Variants in RAB11FIP3 observed in about 807,000 individuals in gnomAD.
The protein encoded by RAB11FIP3 is RAB11 family interacting protein 3.
Under a neutral mutation model 77.8 loss-of-function variants are expected in RAB11FIP3, and 17 were observed. The observed-to-expected ratio is 0.22, with a 90% CI of 0.15 to 0.33. The LOEUF is 0.33. Among genes scored for constraint, RAB11FIP3 ranks in the 10% least tolerant of loss-of-function variants. The pLI, the probability that RAB11FIP3 is intolerant of heterozygous loss-of-function variation, is 1.00. For missense variants in RAB11FIP3, 1,005 were observed against 1,011.2 expected (o/e 0.99, Z 0.08); for synonymous variants, 437 against 448.2 (o/e 0.98, Z 0.31).
intron 1 of RAB11FIP3, among the ~76,000 whole-genome samples, chr16:441,610 T>C (rs2055228139): frequency 6.6e-6 from 1 of 152,210 alleles, no homozygotes; most frequent in East Asian, 1.9e-4. Flanking sequence ...CGGACCCTAA[T>C]GTGCACAGGG....
chr16:498,008 G>A (rs1055195209), intron 6 of RAB11FIP3, among the ~76,000 whole-genome samples: 25 of 150,402 alleles, frequency 1.7e-4, no homozygotes, highest in Non-Finnish European at 2.7e-4. Context: ...GTCTAGCTGC[G>A]TTGCCCAGGC....
At chr16:518,836 G>T in intron 9 of RAB11FIP3, 107 bp from the exon 10 acceptor site, 1 of 1,127,490 alleles carries the variant, frequency 8.9e-7, no homozygotes, top group Non-Finnish European at 1.3e-6. Context: ...GGGGGCGTCT[G>T]TTGGTCACAG....
intron 3 of RAB11FIP3, among the ~76,000 whole-genome samples, chr16:473,925 C>T (rs1308800639): frequency 6.6e-6 from 1 of 152,140 alleles, no homozygotes; most frequent in Non-Finnish European, 1.5e-5. Context: ...CAGAACGCCA[C>T]GGAGCTAGAA....
chr16:497,689 G>A (rs752668574), intron 6 of RAB11FIP3, among the ~76,000 whole-genome samples: 20 of 152,102 alleles, frequency 1.3e-4, no homozygotes, highest in South Asian at 4.1e-4. Context: ...CCCTGGCCCC[G>A]TCTTCCTTCT....
intron 1 of RAB11FIP3, among the ~76,000 whole-genome samples, chr16:448,029 G>T (rs956171720): frequency 6.6e-6 from 1 of 151,986 alleles, no homozygotes; most frequent in Non-Finnish European, 1.5e-5. Flanking sequence ...ATATGAAAAA[G>T]CGTATTGTCC....
At chr16:433,823 T>G (rs755342133) in intron 1 of RAB11FIP3, among the ~76,000 whole-genome samples, 5 of 148,114 alleles carry the variant, frequency 3.4e-5, no homozygotes, top group Non-Finnish European at 5.9e-5. Context: ...GCCACTGCAC[T>G]CCAGTCTGGG....
At chr16:482,414 G>C (rs1210457592) in intron 3 of RAB11FIP3, 111 bp from the exon 4 acceptor site, 1 of 1,009,234 alleles carries the variant, frequency 9.9e-7, no homozygotes, top group Admixed American at 1.7e-5. Context: ...TCAGGCGTCA[G>C]ACCCCTCCCT....
intron 3 of RAB11FIP3, among the ~76,000 whole-genome samples, chr16:476,865 C>T (rs12933407): frequency 0.4 from 60,440 of 151,290 alleles, 13,670 homozygotes; most frequent in Middle Eastern, 0.53. Context: ...CCAAGGTGGG[C>T]AGATCACAAG....
In RAB11FIP3 at chr16:506,638, G is replaced by T. The variant is rs1191299399; in HGVS notation, c.1499+1011G>T. Among the ~76,000 whole-genome samples, 1 of 152,156 alleles carries T rather than the reference G, an allele frequency of 6.6e-6. No individual in the cohort carries two copies. Among genetic ancestry groups the T allele is most frequent in the African/African-American group, 2.4e-5 (1 of 41,430 alleles). On this transcript the variant is annotated intron_variant, in intron 8 of 13. Transcript: ENST00000262305. This position sits in a 1 kb window ranked among gnomAD's most constrained non-coding sequence, Gnocchi z 4.5. ...AAAGCCCCCAAGCCCTCACCCTCAC[G>T]GTACTAACATTTGTGACCATCTGCC...
intron 1 of RAB11FIP3, among the ~76,000 whole-genome samples, chr16:445,264 A>T (rs570825881): frequency 6.9e-6 from 1 of 145,940 alleles, no homozygotes; most frequent in South Asian, 2.2e-4. Context: ...GAAACCCCGA[A>T]TCTACTAAAA....
chr16:477,280 T>C lies in RAB11FIP3; in HGVS notation c.904-5245T>C, dbSNP rs147633052. Reference sequence around the variant, plus strand: ...AAAAAAGAAAAAAGAAATTTTAGGCTACGTACTGAACCACTGAACCTGATG... The same window carrying C: ...AAAAAAGAAAAAAGAAATTTTAGGCCACGTACTGAACCACTGAACCTGATG... On this transcript the variant is annotated intron_variant, in intron 3 of 13. Transcript: ENST00000262305. Among the ~76,000 whole-genome samples the C allele has an allele frequency of 4.5e-3, 681 of 152,192 alleles. 5 individuals carry two copies. Among genetic ancestry groups the C allele is most frequent in the African/African-American group, 0.015 (636 of 41,538 alleles).
intron 1 of RAB11FIP3, among the ~76,000 whole-genome samples, chr16:449,426 C>A (rs2055371234): frequency 6.6e-6 from 1 of 152,048 alleles, no homozygotes; most frequent in South Asian, 2.1e-4. Flanking sequence ...ATGGTCCTCC[C>A]AGGTATGGCA....
At chr16:460,439 AT>A (rs748662286) in intron 1 of RAB11FIP3, among the ~76,000 whole-genome samples, 31 of 152,038 alleles carry the variant, frequency 2.0e-4, no homozygotes, top group Middle Eastern at 3.4e-3. Context: ...AAGCCCAGGT[AT>A]TTTCTGTAAT....
At chr16:480,071 G>C (rs1292586344) in intron 3 of RAB11FIP3, among the ~76,000 whole-genome samples, 1 of 152,114 alleles carries the variant, frequency 6.6e-6, no homozygotes, top group Non-Finnish European at 1.5e-5. Flanking sequence ...TGGATCACCT[G>C]AGGTTAGGAG....
intron 1 of RAB11FIP3, among the ~76,000 whole-genome samples, chr16:460,913 G>A (rs946944569): frequency 2.6e-5 from 4 of 152,198 alleles, no homozygotes; most frequent in Non-Finnish European, 5.9e-5. Context: ...CATGGAGGCC[G>A]TGCTGCCTCC....
intron 1 of RAB11FIP3, among the ~76,000 whole-genome samples, chr16:449,903 G>T (rs1409538619): frequency 1.3e-5 from 2 of 151,266 alleles, no homozygotes; most frequent in Non-Finnish European, 2.9e-5. Flanking sequence ...GTGAGCCAAG[G>T]TCGTGCCACT....
At chr16:491,456 C>T (rs143126692) in intron 5 of RAB11FIP3, among the ~76,000 whole-genome samples, 183 of 152,128 alleles carry the variant, frequency 1.2e-3, no homozygotes, top group South Asian at 4.6e-3. Context: ...CCCCTGCATG[C>T]GCAGCCCAGG....
At chr16:443,226 A>T (rs535999430) in intron 1 of RAB11FIP3, among the ~76,000 whole-genome samples, 2 of 152,268 alleles carry the variant, frequency 1.3e-5, no homozygotes, top group East Asian at 3.9e-4. Flanking sequence ...GAGTCTTGGC[A>T]TTTGGAACGG....
At position 474,119 on chromosome 16, in the gene RAB11FIP3, T is replaced by TA. The variant is rs905651007; in HGVS notation, c.903+2741dup. Among the ~76,000 whole-genome samples, 16 of 146,464 alleles carry TA rather than the reference T, an allele frequency of 1.1e-4. No homozygotes were observed. In the East Asian group the frequency reaches 1.2e-3, roughly 11 times the overall value. ...AAACAGCTTGCACATCATGTCATCTTAAAAAAAAAAAGTCTAATAAAGATA... is the reference window on the plus strand; with the variant it reads ...AAACAGCTTGCACATCATGTCATCTTAAAAAAAAAAAAGTCTAATAAAGATA... On this transcript the variant is annotated intron_variant, in intron 3 of 13. Transcript: ENST00000262305.
Sources: allele counts gnomAD v4.1 joint callset (sites outside exome capture counted in the v4.1 genomes callset), GRCh38; gene constraint gnomAD v4.1.1; non-coding constraint Gnocchi (gnomAD v3.1); transcripts MANE v1.5; gene names NCBI Gene and HGNC (gene_info 2026-07-23, HGNC 2026-07-21).